RASEF: variants seen among roughly 807,000 people sequenced by gnomAD.
The protein encoded by RASEF is RAS and EF-hand domain containing.
RASEF carries 68 observed loss-of-function variants against 90.1 expected under a neutral mutation model. The observed-to-expected ratio is 0.75, with a 90% CI of 0.62 to 0.92. The LOEUF (loss-of-function observed/expected upper bound fraction) is 0.92. Among genes scored for constraint, RASEF ranks in the 40% least tolerant of loss-of-function variants. The pLI is 0.00. For missense variants in RASEF, 949 were observed against 937.2 expected (o/e 1.01, Z -0.16); for synonymous variants, 331 against 345.2 (o/e 0.96, Z 0.46).
the RASEF span, among the ~76,000 whole-genome samples, chr9:83,093,019 A>C: frequency 3.3e-5 from 5 of 149,670 alleles, no homozygotes; most frequent in African/African-American, 1.2e-4. Context: ...ACAATCCCTG[A>C]GCTATATATA....
At chr9:83,065,184 C>T (rs1001093982), upstream of RASEF, among the ~76,000 whole-genome samples, 14 of 152,296 alleles carry the variant, frequency 9.2e-5, no homozygotes, top group African/African-American at 3.4e-4. Flanking sequence ...CCTCCGATAT[C>T]AGTTATTTAT....
the RASEF span, chr9:83,201,073 C>T: frequency 6.6e-6 from 1 of 152,182 alleles, no homozygotes; most frequent in Non-Finnish European, 1.5e-5. Flanking sequence ...CTTTCCTCTT[C>T]CTAGAAAGGC....
At chr9:83,089,281 TAG>T in the RASEF span, among the ~76,000 whole-genome samples, 9,056 of 152,116 alleles carry the variant, frequency 0.06, 872 homozygotes, top group African/African-American at 0.2. Flanking sequence ...TTGTTTTACA[TAG>T]AGTTTTAAAA....
At chr9:83,218,763 C>G in the RASEF span, among the ~76,000 whole-genome samples, 6 of 152,342 alleles carry the variant, frequency 3.9e-5, no homozygotes, top group South Asian at 2.1e-4. Flanking sequence ...CCTCCCACAT[C>G]TGGATTCGGC....
At chr9:83,164,726 C>T in the RASEF span, among the ~76,000 whole-genome samples, 1 of 150,786 alleles carries the variant, frequency 6.6e-6, no homozygotes, top group Non-Finnish European at 1.5e-5. Flanking sequence ...TCTAAATGTA[C>T]CAATTAAAAG....
intron 16 of RASEF, 109 bp downstream of exon 16, chr9:82,990,282 G>A: frequency 1.4e-6 from 1 of 728,348 alleles, no homozygotes; most frequent in Non-Finnish European, 2.4e-6. Flanking sequence ...ATGACTGACA[G>A]ATAAGAGAGT....
intron 1 of RASEF, among the ~76,000 whole-genome samples, chr9:83,032,156 A>C (rs559131728): frequency 6.6e-6 from 1 of 152,022 alleles, no homozygotes; most frequent in African/African-American, 2.4e-5. Flanking sequence ...TTGTTCCCTC[A>C]CAAGAGTGTA....
chr9:82,986,460 T>C (rs1828713969), intron 16 of RASEF, among the ~76,000 whole-genome samples: 1 of 152,260 alleles, frequency 6.6e-6, no homozygotes. Context: ...ATGCACGTGT[T>C]AAGTGCCAAT....
chr9:83,118,213 T>A, the RASEF span, among the ~76,000 whole-genome samples: 1 of 152,172 alleles, frequency 6.6e-6, no homozygotes, highest in Non-Finnish European at 1.5e-5. Context: ...AAAGCTTTAA[T>A]GGCTTTGTCT....
At chr9:83,102,056 A>T in the RASEF span, among the ~76,000 whole-genome samples, 1 of 152,164 alleles carries the variant, frequency 6.6e-6, no homozygotes, top group Non-Finnish European at 1.5e-5. Context: ...AAAATGTGAA[A>T]AAAAAAAGAT....
At chr9:83,115,142 A>T in the RASEF span, among the ~76,000 whole-genome samples, 3 of 152,196 alleles carry the variant, frequency 2.0e-5, no homozygotes, top group Non-Finnish European at 2.9e-5. Flanking sequence ...CCTACGTGAA[A>T]TATCGGGGGT....
the RASEF span, among the ~76,000 whole-genome samples, chr9:83,127,923 G>A: frequency 6.6e-6 from 1 of 152,050 alleles, no homozygotes; most frequent in Non-Finnish European, 1.5e-5. Context: ...ATATTTCTTA[G>A]ATGAGATGAT....
intron 2 of RASEF, among the ~76,000 whole-genome samples, chr9:83,024,776 G>A (rs113883081): frequency 2.6e-5 from 4 of 152,280 alleles, no homozygotes; most frequent in African/African-American, 9.6e-5. Context: ...ATGAACCAAA[G>A]GTTCAACTAG....
the RASEF span, among the ~76,000 whole-genome samples, chr9:83,160,836 G>A: frequency 6.6e-6 from 1 of 152,174 alleles, no homozygotes; most frequent in Admixed American, 6.5e-5. Flanking sequence ...CTGTGTCCCA[G>A]CTGCTCCAGC....
At chr9:83,103,017 G>A in the RASEF span, among the ~76,000 whole-genome samples, 1 of 152,174 alleles carries the variant, frequency 6.6e-6, no homozygotes, top group African/African-American at 2.4e-5. Flanking sequence ...CATCTACACG[G>A]GCCACTTCCC....
At chr9:83,029,281 C>T (rs904706313) in intron 1 of RASEF, among the ~76,000 whole-genome samples, 10 of 152,090 alleles carry the variant, frequency 6.6e-5, no homozygotes, top group Non-Finnish European at 1.2e-4. Flanking sequence ...CAAAATCAAT[C>T]CACAGACCAA....
chr9:83,015,181 G>A (rs1472400808), intron 4 of RASEF, among the ~76,000 whole-genome samples: 4 of 152,148 alleles, frequency 2.6e-5, no homozygotes, highest in Admixed American at 6.5e-5. Flanking sequence ...GTAGGGACAC[G>A]GGGATATTTG....
chr9:83,017,512 A>G (rs1451159073), intron 3 of RASEF, among the ~76,000 whole-genome samples: 2 of 148,412 alleles, frequency 1.3e-5, no homozygotes, highest in African/African-American at 5.0e-5. Flanking sequence ...AAAAAAAAAG[A>G]AGTACTTTAT....
chr9:83,101,184 C>T, the RASEF span, among the ~76,000 whole-genome samples: 3 of 152,158 alleles, frequency 2.0e-5, no homozygotes, highest in Non-Finnish European at 4.4e-5. Flanking sequence ...AATATAGAAA[C>T]ATGGAGACCA....
Sources: gnomAD v4.1 joint callset for allele counts (sites outside exome capture counted in the v4.1 genomes callset) on GRCh38, gnomAD v4.1.1 for gene constraint, MANE v1.5 for transcripts, NCBI Gene and HGNC (gene_info 2026-07-23, HGNC 2026-07-21) for gene names.